The following SLC22A11 variants were observed in gnomAD, a reference collection of about 807,000 sequenced individuals.
SLC22A11 encodes the protein organic anion transporter 4.
In SLC22A11, 42 loss-of-function variants were observed where a neutral mutation model predicts 49.4. That is an observed-to-expected ratio of 0.85 (90% CI 0.66 to 1.10). SLC22A11 has a LOEUF of 1.10. SLC22A11 is among the 50% of genes least tolerant of loss of function. The pLI is 0.00. For missense variants in SLC22A11, 685 were observed against 731.6 expected, an observed-to-expected ratio of 0.94 and a Z score of 0.74; for synonymous variants, 304 against 315.8, an observed-to-expected ratio of 0.96 and a Z score of 0.40.
rs1419206506 is a variant in SLC22A11 at position 64,572,212 on chromosome 11, T to G, written c.*1170T>G. The G allele has an allele frequency of 6.6e-6, 1 of 152,312 alleles. No individual in the cohort carries two copies. The highest frequency in any genetic ancestry group is 1.5e-5 in the Non-Finnish European group (1 of 68,098). 9.4% of individuals were successfully genotyped at this position (152,312 alleles called of 1,614,324 possible). Reference sequence around the variant, plus strand: ...TTCTGGAGGGGACACCTTTTCTTGATTCATGCCCAGACCTCCCTTGTCCAG... The same window carrying G: ...TTCTGGAGGGGACACCTTTTCTTGAGTCATGCCCAGACCTCCCTTGTCCAG... On this transcript the variant is annotated 3_prime_UTR_variant, in exon 10 of 10. Coordinates refer to ENST00000301891, the MANE Select transcript of SLC22A11 (RefSeq NM_018484.4).
At position 64,556,128 on chromosome 11, in the gene SLC22A11, C is replaced by T; in HGVS notation, c.129C>T (p.Ala43=). The change falls in exon 1 of 10, where the codon GCC becomes GCT. Residue 43 remains alanine, a synonymous_variant. Coordinates refer to ENST00000301891, the MANE Select transcript of SLC22A11 (RefSeq NM_018484.4). ...SQMLLENFSA[A]IPGHRCWTHM... is the part of the protein sequence containing the mutation. The stretch of plus-strand genomic sequence containing the variant: ...TGCTCCTGGAGAACTTCTCAGCCGC[C>T]ATCCCAGGCCACCGATGCTGGACAC... 1 of 1,614,190 alleles carries T rather than the reference C, an allele frequency of 6.2e-7. No homozygotes were observed. The highest frequency in any genetic ancestry group is 8.5e-7 in the Non-Finnish European group (1 of 1,180,032).
In SLC22A11 at chr11:64,564,040, G is replaced by T. The variant is rs2038588187; in HGVS notation, c.822-268G>T. On this transcript the variant is annotated intron_variant, in intron 4 of 9. Transcript: ENST00000301891. The surrounding 1 kb of genome is among the most constrained non-coding windows in gnomAD (Gnocchi z 4.2). ...CAGGCCACCTGTGCCCTGGCTGTGT[G>T]CAGGGCTCAGGTGGGCAGGCCCCGG... 6.6e-6 allele frequency among the ~76,000 whole-genome samples: 1 copy of T among 152,178 alleles called. No individual in the cohort carries two copies. The highest frequency in any genetic ancestry group is 2.4e-5 in the African/African-American group (1 of 41,448).
rs112332226 is a variant in SLC22A11 at position 64,564,554 on chromosome 11, A to G, written c.942+126A>G. The G allele has an allele frequency of 8.6e-6, 10 of 1,161,488 alleles. No individual in the cohort carries two copies. Among genetic ancestry groups the G allele is most frequent in the East Asian group, 7.3e-5 (3 of 41,328 alleles). The allele number at this position is 1,161,488 out of a possible 1,614,324, so 71.9% of individuals were successfully genotyped here. On this transcript the variant is annotated intron_variant, in intron 5 of 9. Transcript: ENST00000301891. This position sits in a 1 kb window ranked among gnomAD's most constrained non-coding sequence, Gnocchi z 4.2. The stretch of plus-strand genomic sequence containing the variant: ...CACCAGCACCACCACCAGCATCTCC[A>G]CAGACACCACCAACACCTCCATCAC...
chr11:64,562,439 A>T lies in SLC22A11; in HGVS notation c.821+4A>T. 6.4e-7 allele frequency: 1 copy of T among 1,562,586 alleles called. No individual in the cohort carries two copies. Among genetic ancestry groups the T allele is most frequent in the Non-Finnish European group, 8.7e-7 (1 of 1,153,830 alleles). ...TTGCCATCTCCCTGATATCCTGGTC[A>T]GTATGATGTGGGACCTTTTCCTTAG... On this transcript the variant is annotated splice_donor_region_variant and intron_variant, in intron 4 of 9. Coordinates refer to ENST00000301891, the MANE Select transcript of SLC22A11 (RefSeq NM_018484.4). The surrounding 1 kb of genome is among the most constrained non-coding windows in gnomAD (Gnocchi z 4.4).
chr11:64,560,381 C>T (rs892102004), intron 2 of SLC22A11, among the ~76,000 whole-genome samples: 2 of 152,094 alleles, frequency 1.3e-5, no homozygotes, highest in Admixed American at 6.5e-5. Context: ...CAAAGTCCTC[C>T]GAGGGCCCCA....
chr11:64,567,654 C>T lies in SLC22A11; in HGVS notation c.1114C>T (p.Arg372Cys), dbSNP rs202093584. 1.9e-6 allele frequency: 3 copies of T among 1,614,130 alleles called. No homozygotes were observed. Among genetic ancestry groups the T allele is most frequent in the South Asian group, 1.1e-5 (1 of 91,088 alleles). Residue 372 changes from arginine to cysteine, a missense_variant, in exon 7 of 10, where the codon CGT (arginine) becomes TGT (cysteine). Transcript: ENST00000301891. ...GLVFDLQSLG[R>C]DIFLLQALFG... ...GGTCTTCGACCTGCAGAGCCTGGGC[C>T]GTGACATCTTCCTCCTCCAGGCCCT...
chr11:64,569,955 C>A, intron 9 of SLC22A11, 97 bp downstream of exon 9: 1 of 1,095,470 alleles, frequency 9.1e-7, no homozygotes, highest in Non-Finnish European at 1.3e-6. Context: ...TCAAGAGTAC[C>A]AAGGCCTGTG....
At chr11:64,568,577 G>A in intron 7 of SLC22A11, 93 bp from the exon 8 acceptor site, 1 of 1,030,614 alleles carries the variant, frequency 9.7e-7, no homozygotes. Context: ...GGAGCCCAGG[G>A]TCCCCTCTGC....
chr11:64,555,972 A>T lies in SLC22A11; in HGVS notation c.-28A>T, dbSNP rs754358458. 13 of 1,567,306 alleles carry T rather than the reference A, an allele frequency of 8.3e-6. No individual in the cohort carries two copies. Among genetic ancestry groups the T allele is most frequent in the Non-Finnish European group, 1.1e-5 (13 of 1,159,912 alleles). On this transcript the variant is annotated 5_prime_UTR_variant, in exon 1 of 10. Coordinates refer to ENST00000301891, the MANE Select transcript of SLC22A11 (RefSeq NM_018484.4). ...GGTTCCAAACAGCAGTTAGGTCAGC[A>T]GTCCGCTCAGCCGAGGCAGCTCTGT...
In SLC22A11 at chr11:64,569,633, C is replaced by T. The variant is rs1391561354; in HGVS notation, c.1383-19C>T. ...GGGCCAGCTGTTACAGGGATCTGGGCCCTCCCCTTCACCCACAGGATGACA... is the reference window on the plus strand; with the variant it reads ...GGGCCAGCTGTTACAGGGATCTGGGTCCTCCCCTTCACCCACAGGATGACA... On this transcript the variant is annotated intron_variant, in intron 8 of 9. Transcript: ENST00000301891. 6.2e-7 allele frequency: 1 copy of T among 1,607,772 alleles called. No homozygotes were observed. Among genetic ancestry groups the T allele is most frequent in the Non-Finnish European group, 8.5e-7 (1 of 1,176,338 alleles).
At chr11:64,570,839 C>A in intron 9 of SLC22A11, 140 bp from the exon 10 acceptor site, 1 of 713,078 alleles carries the variant, frequency 1.4e-6, no homozygotes. Flanking sequence ...AGGCACTGTC[C>A]CGCTTGGGTA....
In SLC22A11 at chr11:64,565,467, G is replaced by C; in HGVS notation, c.1058+130G>C. On this transcript the variant is annotated intron_variant, in intron 6 of 9. Transcript: ENST00000301891. The surrounding 1 kb of genome is among the most constrained non-coding windows in gnomAD (Gnocchi z 4.1). ...CCTCAAGGGGGTGCATTTCTGTCTGGGACAGGACGCAGACAGCCCCAGCAG... is the reference window on the plus strand; with the variant it reads ...CCTCAAGGGGGTGCATTTCTGTCTGCGACAGGACGCAGACAGCCCCAGCAG... The C allele has an allele frequency of 2.6e-6, 2 of 761,904 alleles. No individual in the cohort carries two copies. The highest frequency in any genetic ancestry group is 4.5e-6 in the Non-Finnish European group (2 of 442,920). The allele number at this position is 761,904 out of a possible 1,614,324, so 47.2% of individuals were successfully genotyped here.
chr11:64,563,206 G>T (rs1424532100), intron 4 of SLC22A11, among the ~76,000 whole-genome samples: 3 of 152,060 alleles, frequency 2.0e-5, no homozygotes, highest in Non-Finnish European at 4.4e-5. Context: ...CAATAATTAG[G>T]CCATCCCCGC....
At chr11:64,558,526 G>A (rs1225804877) in intron 1 of SLC22A11, among the ~76,000 whole-genome samples, 2 of 152,210 alleles carry the variant, frequency 1.3e-5, no homozygotes, top group Admixed American at 6.5e-5. Flanking sequence ...AAAAATCCCA[G>A]TGAACCGTGC....
In SLC22A11 at chr11:64,569,807, C is replaced by A; in HGVS notation, c.1538C>A (p.Pro513Gln). The A allele has an allele frequency of 1.2e-6, 2 of 1,614,004 alleles. No homozygotes were observed. The highest frequency in any genetic ancestry group is 1.1e-5 in the South Asian group (1 of 91,088). ...AGCCTGGTTGTGCTGTTCTTCCTCC[C>A]GGAGACCCAGGGACTTCCGCTCCCT... ...ASSLVVLFFL[P>Q]ETQGLPLPDT... Residue 513 changes from proline (P) to glutamine (Q), a missense_variant, in exon 9 of 10, where the codon CCG becomes CAG. Coordinates refer to ENST00000301891, the MANE Select transcript of SLC22A11 (RefSeq NM_018484.4).
intron 1 of SLC22A11, among the ~76,000 whole-genome samples, chr11:64,557,594 G>A (rs1591371692): frequency 6.6e-6 from 1 of 151,908 alleles, no homozygotes; most frequent in African/African-American, 2.4e-5. Context: ...AAGCAGGTGC[G>A]GGGACATGCT....
At chr11:64,568,098 G>A (rs561378685) in intron 7 of SLC22A11, among the ~76,000 whole-genome samples, 1 of 152,376 alleles carries the variant, frequency 6.6e-6, no homozygotes, top group South Asian at 2.1e-4. Flanking sequence ...GAGCGGGGAC[G>A]GAGGCGGCCG....
chr11:64,565,413 G>A lies in SLC22A11; in HGVS notation c.1058+76G>A, dbSNP rs2038611346. 1 of 1,257,222 alleles carries A rather than the reference G, an allele frequency of 8.0e-7. No homozygotes were observed. Among genetic ancestry groups the A allele is most frequent in the South Asian group, 1.3e-5 (1 of 77,970 alleles). 77.9% of individuals were successfully genotyped at this position (1,257,222 alleles called of 1,614,324 possible). A position where few individuals can be genotyped will look rare whatever the true frequency, so the allele number is the denominator to read the frequency against. On this transcript the variant is annotated intron_variant, in intron 6 of 9. Coordinates refer to ENST00000301891, the MANE Select transcript of SLC22A11 (RefSeq NM_018484.4). The surrounding 1 kb of genome is among the most constrained non-coding windows in gnomAD (Gnocchi z 4.1). ...GCAGAGCTGGGACAGGCAGGAGGCA[G>A]AGCGTCCAGGGGAAACAGCACCCGC...
Position 64,559,124 on chromosome 11 carries a change from TC to T in SLC22A11, c.394-9del. ...CCCCCCGAGCTGAGCCACTGCACCC[TC>T]CTCTTGCAGTGGGACCTGGTGTGCA... On this transcript the variant is annotated splice_polypyrimidine_tract_variant and intron_variant, in intron 1 of 9. Coordinates refer to ENST00000301891, the MANE Select transcript of SLC22A11 (RefSeq NM_018484.4). The T allele has an allele frequency of 6.2e-7, 1 of 1,609,722 alleles. No homozygotes were observed.
Sources: gnomAD v4.1 joint callset for allele counts (sites outside exome capture counted in the v4.1 genomes callset) on GRCh38, gnomAD v4.1.1 for gene constraint, Gnocchi (gnomAD v3.1) non-coding constraint, MANE v1.5 for transcripts, NCBI Gene and HGNC (gene_info 2026-07-23, HGNC 2026-07-21) for gene names.